The following CCSER1 variants were observed in gnomAD, a reference collection of about 807,000 sequenced individuals.
The protein encoded by CCSER1 is serine-rich coiled-coil domain-containing protein 1.
CCSER1 carries 41 observed loss-of-function variants against 82.0 expected under a neutral mutation model. That is an observed-to-expected ratio of 0.50 (90% CI 0.39 to 0.65). The LOEUF is 0.65. CCSER1 is among the 30% of genes least tolerant of loss of function. CCSER1 has a pLI of 0.00. For missense variants in CCSER1, 1,119 were observed against 1,064.2 expected (o/e 1.05, Z -0.72); for synonymous variants, 414 against 383.9 (o/e 1.08, Z -0.92).
chr4:91,033,907 C>CT (rs1042865374), intron 9 of CCSER1, among the ~76,000 whole-genome samples: 1 of 152,084 alleles, frequency 6.6e-6, no homozygotes, highest in African/African-American at 2.4e-5. Context: ...AGACAATTTG[C>CT]TTTTTTTGAG....
At position 90,282,496 on chromosome 4, in the gene CCSER1, A is replaced by G. The variant is rs144982614; in HGVS notation, c.-41-25748A>G. Among the ~76,000 whole-genome samples the G allele has an allele frequency of 9.0e-3, 1,361 of 151,480 alleles. 15 individuals carry two copies. The highest frequency in any genetic ancestry group is 0.056 in the Middle Eastern group (16 of 286). ...TGTTGCTGTTAATTTCTATAATGCA[A>G]TCTAGAACATGAATGAACTTTTAAC... On this transcript the variant is annotated intron_variant, in intron 1 of 10. Coordinates refer to ENST00000509176, the MANE Select transcript of CCSER1 (RefSeq NM_001145065.2).
At chr4:90,283,714 C>G (rs148255655) in intron 1 of CCSER1, among the ~76,000 whole-genome samples, 238 of 152,078 alleles carry the variant, frequency 1.6e-3, no homozygotes, top group African/African-American at 5.4e-3. Flanking sequence ...CACATTTTCT[C>G]TATCCATTCA....
chr4:90,695,344 A>G lies in CCSER1; in HGVS notation c.1933-28570A>G, dbSNP rs561136932. ...GCACTCTTTTGGAGAATTAATGTAA[A>G]AACTAAATCATTGACCTGTAGAAAT... On this transcript the variant is annotated intron_variant, in intron 6 of 10. Coordinates refer to ENST00000509176, the MANE Select transcript of CCSER1 (RefSeq NM_001145065.2). Among the ~76,000 whole-genome samples, 5 of 152,036 alleles carry G rather than the reference A, an allele frequency of 3.3e-5. No homozygotes were observed. In the East Asian group the frequency reaches 9.7e-4, roughly 29 times the overall value.
At chr4:91,176,876 G>C (rs1733435910) in intron 10 of CCSER1, among the ~76,000 whole-genome samples, 1 of 152,200 alleles carries the variant, frequency 6.6e-6, no homozygotes, top group Admixed American at 6.5e-5. Context: ...AGTGGTGAGA[G>C]AGGGCATCCC....
chr4:91,259,847 C>T (rs1259730746), intron 10 of CCSER1, among the ~76,000 whole-genome samples: 2 of 152,094 alleles, frequency 1.3e-5, no homozygotes, highest in African/African-American at 4.8e-5. Context: ...CATTGATGGG[C>T]ATTTGGGTTG....
intron 10 of CCSER1, among the ~76,000 whole-genome samples, chr4:91,440,612 C>T (rs1260799715): frequency 6.6e-6 from 1 of 152,082 alleles, no homozygotes; most frequent in Non-Finnish European, 1.5e-5. Flanking sequence ...CAAGAAATAA[C>T]TAAAATCAGA....
intron 8 of CCSER1, among the ~76,000 whole-genome samples, chr4:90,909,454 G>C (rs1725998654): frequency 6.6e-6 from 1 of 152,066 alleles, no homozygotes; most frequent in Non-Finnish European, 1.5e-5. Context: ...TAGTAGGCTG[G>C]GGTGGAGGCA....
intron 1 of CCSER1, among the ~76,000 whole-genome samples, chr4:90,264,265 C>T (rs1169048754): frequency 6.6e-6 from 1 of 152,154 alleles, no homozygotes; most frequent in Non-Finnish European, 1.5e-5. Context: ...CCCTCACTTT[C>T]ATAAATTGAG....
At position 90,308,106 on chromosome 4, in the gene CCSER1, G is replaced by T; in HGVS notation, c.-41-138G>T. ...TATAAATTCAAAAAATCTTTATTAG[G>T]TATCAGATTTTTGTTATTTATCGTC... On this transcript the variant is annotated intron_variant, in intron 1 of 10. Transcript: ENST00000509176. 11 of 566,360 alleles carry T rather than the reference G, an allele frequency of 1.9e-5. No homozygotes were observed. The South Asian group carries it at 3.5e-4, about 18-fold the overall frequency. 35.1% of individuals were successfully genotyped at this position (566,360 alleles called of 1,614,324 possible).
intron 4 of CCSER1, among the ~76,000 whole-genome samples, chr4:90,404,443 C>T (rs190179724): frequency 2.7e-4 from 41 of 152,256 alleles, no homozygotes; most frequent in Non-Finnish European, 5.1e-4. Flanking sequence ...CTTCCCACGG[C>T]CTGAGAAACC....
chr4:91,395,162 T>A (rs1751894478), intron 10 of CCSER1, among the ~76,000 whole-genome samples: 1 of 152,070 alleles, frequency 6.6e-6, no homozygotes, highest in Admixed American at 6.6e-5. Flanking sequence ...TCAGTAAAGC[T>A]TTAGGAAGAC....
At chr4:90,649,660 T>C (rs1728354131) in intron 6 of CCSER1, 1 of 152,200 alleles carries the variant, frequency 6.6e-6, no homozygotes, top group Non-Finnish European at 1.5e-5. Flanking sequence ...AAGCCATCAG[T>C]TTATAGTATT....
chr4:91,314,818 G>T (rs1259697106), intron 10 of CCSER1, among the ~76,000 whole-genome samples: 1 of 151,882 alleles, frequency 6.6e-6, no homozygotes, highest in South Asian at 2.1e-4. Context: ...TTTTATTTAT[G>T]TACATGCCTA....
intron 10 of CCSER1, among the ~76,000 whole-genome samples, chr4:91,238,395 G>A (rs1242382211): frequency 2.0e-5 from 3 of 152,170 alleles, no homozygotes; most frequent in East Asian, 3.9e-4. Context: ...AAAGACATGA[G>A]GATGTAAATG....
At chr4:90,621,401 C>T (rs1261588336) in intron 5 of CCSER1, among the ~76,000 whole-genome samples, 2 of 151,032 alleles carry the variant, frequency 1.3e-5, no homozygotes, top group Non-Finnish European at 2.9e-5. Context: ...AGGCAGCCAA[C>T]AATGTCTGCA....
intron 1 of CCSER1, among the ~76,000 whole-genome samples, chr4:90,273,002 C>A (rs1441958779): frequency 1.4e-5 from 2 of 140,814 alleles, no homozygotes; most frequent in South Asian, 2.2e-4. Context: ...GACTCTATCT[C>A]AAAAAAACAA....
intron 1 of CCSER1, among the ~76,000 whole-genome samples, chr4:90,267,132 G>A (rs1725378261): frequency 6.6e-6 from 1 of 151,938 alleles, no homozygotes; most frequent in Non-Finnish European, 1.5e-5. Flanking sequence ...GTAGTCTTAG[G>A]CCTGGCAGCA....
At chr4:91,532,650 G>T (rs1761093237) in intron 10 of CCSER1, among the ~76,000 whole-genome samples, 2 of 151,996 alleles carry the variant, frequency 1.3e-5, no homozygotes, top group Admixed American at 1.3e-4. Flanking sequence ...CCAGCACTTT[G>T]GGAGGCAGAA....
At chr4:90,467,770 A>G (rs1763836485) in intron 4 of CCSER1, among the ~76,000 whole-genome samples, 1 of 152,216 alleles carries the variant, frequency 6.6e-6, no homozygotes, top group South Asian at 2.1e-4. Context: ...AGAAATAGGC[A>G]AAACTTATTT....
Sources: allele counts gnomAD v4.1 joint callset (sites outside exome capture counted in the v4.1 genomes callset), GRCh38; gene constraint gnomAD v4.1.1; transcripts MANE v1.5; gene names NCBI Gene and HGNC (gene_info 2026-07-23, HGNC 2026-07-21).